The following ACAN variants were observed in gnomAD, a reference collection of about 807,000 sequenced individuals.
The protein encoded by ACAN is aggrecan, also known as aggrecan core protein.
A neutral mutation model predicts 169.1 loss-of-function variants in ACAN; 47 were observed. The observed-to-expected ratio is 0.28, with a 90% CI of 0.22 to 0.35. The LOEUF is 0.35. ACAN is among the 10% of genes least tolerant of loss of function. The pLI is 1.00. For synonymous variants in ACAN, 1,115 were observed against 1,112.2 expected (o/e 1.00, Z -0.05); for missense variants, 2,716 against 2,759.9 (o/e 0.98, Z 0.36).
Position 88,849,850 on chromosome 15 carries a change from T to G in ACAN, c.2026+119T>G, listed in dbSNP as rs1009761856. ...ATCAGAGCAAGAAAATGTCAGTCCC[T>G]CTGGGGCAGAGCCAGCTCTGAAACC... On this transcript the variant is annotated intron_variant, in intron 10 of 18. Transcript: ENST00000560601. This position sits in a 1 kb window ranked among gnomAD's most constrained non-coding sequence, Gnocchi z 5.1. 3.6e-6 allele frequency: 5 copies of G among 1,405,626 alleles called. No homozygotes were observed. The African/African-American group carries it at 7.1e-5, about 20-fold the overall frequency. 87.1% of individuals were successfully genotyped at this position (1,405,626 alleles called of 1,614,324 possible).
chr15:88,827,876 C>T (rs1896263808), intron 1 of ACAN, among the ~76,000 whole-genome samples: 1 of 152,184 alleles, frequency 6.6e-6, no homozygotes, highest in Admixed American at 6.5e-5. Flanking sequence ...GTCATATGCT[C>T]ACAGGAAAGT....
Position 88,857,825 on chromosome 15 carries a change from G to T in ACAN, c.5240G>T (p.Gly1747Val). 1.2e-6 allele frequency: 2 copies of T among 1,613,916 alleles called. No homozygotes were observed. Among genetic ancestry groups the T allele is most frequent in the Non-Finnish European group, 1.7e-6 (2 of 1,179,898 alleles). The change falls in exon 12 of 19, where the codon GGG (glycine) becomes GTG (valine). Residue 1747 changes from glycine to valine, a missense_variant. Transcript: ENST00000560601. The part of the protein sequence containing the change: ...GQPSGFPDTS[G>V]ETSGVTELSG... Reference sequence around the variant, plus strand: ...CCATCAGGGTTTCCTGACACTAGTGGGGAAACATCTGGAGTGACTGAGCTT... The same window carrying T: ...CCATCAGGGTTTCCTGACACTAGTGTGGAAACATCTGGAGTGACTGAGCTT...
intron 1 of ACAN, among the ~76,000 whole-genome samples, chr15:88,815,935 A>G (rs896705037): frequency 7.2e-5 from 11 of 152,354 alleles, no homozygotes; most frequent in African/African-American, 2.4e-4. Context: ...AAATCAAGCC[A>G]TTGGCAGGGC....
chr15:88,817,811 G>T (rs1267121332), intron 1 of ACAN, among the ~76,000 whole-genome samples: 1 of 124,928 alleles, frequency 8.0e-6, no homozygotes, highest in African/African-American at 3.1e-5. Flanking sequence ...CCCAGATCAT[G>T]CCACTGCACT....
intron 1 of ACAN, among the ~76,000 whole-genome samples, chr15:88,825,052 A>G (rs1896178685): frequency 1.3e-5 from 2 of 152,200 alleles, no homozygotes; most frequent in Non-Finnish European, 2.9e-5. Context: ...AAGAGCAAGC[A>G]CAAAACCCTT....
rs1897196626 is a variant in ACAN, at chr15:88,861,657, G to T, written c.6946+1218G>T. On this transcript the variant is annotated intron_variant, in intron 13 of 18. Coordinates refer to ENST00000560601, the MANE Select transcript of ACAN (RefSeq NM_001369268.1). This position sits in a 1 kb window ranked among gnomAD's most constrained non-coding sequence, Gnocchi z 6.3. ...GGAAGGTCCCGGGCTTACTGCAGAA[G>T]GGGACAGCATTTCCACTGGGCCATA... Among the ~76,000 whole-genome samples, 1 of 152,094 alleles carries T rather than the reference G, an allele frequency of 6.6e-6. No individual in the cohort carries two copies. The highest frequency in any genetic ancestry group is 2.4e-5 in the African/African-American group (1 of 41,386).
In ACAN at chr15:88,811,416, G is replaced by C. The variant is rs549500307; in HGVS notation, c.-8+7607G>C. Among the ~76,000 whole-genome samples the C allele has an allele frequency of 2.6e-4, 40 of 152,342 alleles. 1 individual carries two copies. The highest frequency in any genetic ancestry group is 6.8e-3 in the Middle Eastern group (2 of 294). ...AAGGGGCAAGGGGAGACCCCACCAG[G>C]TAGGGCTTAAAATCCTAAATCTCAA... On this transcript the variant is annotated intron_variant, in intron 1 of 18. Coordinates refer to ENST00000560601, the MANE Select transcript of ACAN (RefSeq NM_001369268.1).
intron 1 of ACAN, among the ~76,000 whole-genome samples, chr15:88,811,675 C>T (rs1895823752): frequency 6.6e-6 from 1 of 152,180 alleles, no homozygotes; most frequent in Non-Finnish European, 1.5e-5. Context: ...CCTGCCTCCC[C>T]TATGTGAGCT....
In ACAN at chr15:88,872,671, A is replaced by G. The variant is rs1897409128; in HGVS notation, c.7303-210A>G. ...AGAAGGACCTGAGCCAAGCTGTGTG[A>G]CTGATTCCCTAGAGGGCCACCGGGT... On this transcript the variant is annotated intron_variant, in intron 16 of 18. Coordinates refer to ENST00000560601, the MANE Select transcript of ACAN (RefSeq NM_001369268.1). This position sits in a 1 kb window ranked among gnomAD's most constrained non-coding sequence, Gnocchi z 5.4. Among the ~76,000 whole-genome samples, 1 of 152,058 alleles carries G rather than the reference A, an allele frequency of 6.6e-6. No individual in the cohort carries two copies. The highest frequency in any genetic ancestry group is 2.1e-4 in the South Asian group (1 of 4,814).
chr15:88,828,346 C>T (rs7174387), intron 1 of ACAN, among the ~76,000 whole-genome samples: 99,717 of 151,938 alleles, frequency 0.66, 33,259 homozygotes, highest in Middle Eastern at 0.77. Context: ...CAAGTATAAC[C>T]TGCAGGTATG....
chr15:88,820,043 T>A (rs1348346080), intron 1 of ACAN, among the ~76,000 whole-genome samples: 1 of 152,190 alleles, frequency 6.6e-6, no homozygotes, highest in Non-Finnish European at 1.5e-5. Context: ...ATAGGACTAA[T>A]CACAGTGTGC....
At chr15:88,810,110 G>A (rs182432380) in intron 1 of ACAN, among the ~76,000 whole-genome samples, 2 of 152,208 alleles carry the variant, frequency 1.3e-5, no homozygotes, top group African/African-American at 2.4e-5. Context: ...CCCAGAGAGC[G>A]GAGGACACTT....
At position 88,851,862 on chromosome 15, in the gene ACAN, G is replaced by T; in HGVS notation, c.2095G>T (p.Glu699Ter). 6.2e-7 allele frequency: 1 copy of T among 1,612,226 alleles called. No homozygotes were observed. The highest frequency in any genetic ancestry group is 2.2e-5 in the East Asian group (1 of 44,820). Residue 699 changes from glutamate to a stop codon, truncating the protein, a stop_gained, in exon 11 of 19, where the codon GAG (glutamate) becomes TAG (stop). Transcript: ENST00000560601. LOFTEE classifies it high-confidence loss of function. The surrounding 1 kb of genome is among the most constrained non-coding windows in gnomAD (Gnocchi z 4.3). ...GTPTSPSGVE[E>*]WIVTQVVPGV... is the part of the protein sequence containing the mutation. Reference sequence around the variant, plus strand: ...ACCCACATCACCCTCTGGTGTGGAGGAGTGGATCGTGACCCAAGTGGTTCC... The same window carrying T: ...ACCCACATCACCCTCTGGTGTGGAGTAGTGGATCGTGACCCAAGTGGTTCC...
Position 88,814,611 on chromosome 15 carries a change from A to G in ACAN, c.-8+10802A>G, listed in dbSNP as rs1179228761. Among the ~76,000 whole-genome samples, 1 of 152,182 alleles carries G rather than the reference A, an allele frequency of 6.6e-6. No individual in the cohort carries two copies. The highest frequency in any genetic ancestry group is 2.4e-5 in the African/African-American group (1 of 41,446). ...GGGCTCCCACAATGCATCACTCCAG[A>G]GGGCGCCATTCCATTGTGGTCCATG... On this transcript the variant is annotated intron_variant, in intron 1 of 18. Transcript: ENST00000560601. This position sits in a 1 kb window ranked among gnomAD's most constrained non-coding sequence, Gnocchi z 4.0.
At position 88,872,693 on chromosome 15, in the gene ACAN, G is replaced by A. The variant is rs375190545; in HGVS notation, c.7303-188G>A. ...GTGACTGATTCCCTAGAGGGCCACC[G>A]GGTTCCATGGCCCCTAGAACAGCCC... On this transcript the variant is annotated intron_variant, in intron 16 of 18. Coordinates refer to ENST00000560601, the MANE Select transcript of ACAN (RefSeq NM_001369268.1). This position sits in a 1 kb window ranked among gnomAD's most constrained non-coding sequence, Gnocchi z 5.4. 1.5e-4 allele frequency among the ~76,000 whole-genome samples: 23 copies of A among 152,130 alleles called. No homozygotes were observed. Among genetic ancestry groups the A allele is most frequent in the African/African-American group, 3.6e-4 (15 of 41,432 alleles).
rs1896556659 is a variant in ACAN at position 88,838,291 on chromosome 15, G to T, written c.71-372G>T. Among the ~76,000 whole-genome samples, 1 of 152,162 alleles carries T rather than the reference G, an allele frequency of 6.6e-6. No individual in the cohort carries two copies. The highest frequency in any genetic ancestry group is 2.4e-5 in the African/African-American group (1 of 41,426). On this transcript the variant is annotated intron_variant, in intron 2 of 18. Transcript: ENST00000560601. This position sits in a 1 kb window ranked among gnomAD's most constrained non-coding sequence, Gnocchi z 5.1. Reference sequence around the variant, plus strand: ...TTTCCCAAAATCTTTGAGTTAAGCTGTCACTCCAAGGAGATGGGTCCTGTT... The same window carrying T: ...TTTCCCAAAATCTTTGAGTTAAGCTTTCACTCCAAGGAGATGGGTCCTGTT...
intron 1 of ACAN, among the ~76,000 whole-genome samples, chr15:88,823,784 A>C (rs4932431): frequency 6.6e-6 from 1 of 151,912 alleles, no homozygotes; most frequent in Non-Finnish European, 1.5e-5. Flanking sequence ...TTTTGTCCCT[A>C]GATGTCTCTG....
At position 88,839,839 on chromosome 15, in the gene ACAN, C is replaced by T. The variant is rs1387738836; in HGVS notation, c.455-173C>T. 1.3e-5 allele frequency among the ~76,000 whole-genome samples: 2 copies of T among 152,184 alleles called. No homozygotes were observed. The highest frequency in any genetic ancestry group is 2.9e-5 in the Non-Finnish European group (2 of 68,032). On this transcript the variant is annotated intron_variant, in intron 3 of 18. Coordinates refer to ENST00000560601, the MANE Select transcript of ACAN (RefSeq NM_001369268.1). The surrounding 1 kb of genome is among the most constrained non-coding windows in gnomAD (Gnocchi z 4.5). Reference sequence around the variant, plus strand: ...AGTGAGCTCCCCATTACAGGGTGTTCCAGCAAATTCAGAAGGATCACGTGC... The same window carrying T: ...AGTGAGCTCCCCATTACAGGGTGTTTCAGCAAATTCAGAAGGATCACGTGC...
intron 4 of ACAN, among the ~76,000 whole-genome samples, chr15:88,840,427 C>T (rs1896623460): frequency 6.6e-6 from 1 of 152,214 alleles, no homozygotes; most frequent in Non-Finnish European, 1.5e-5. Context: ...CCTTGCCCTA[C>T]ATGTCATTAT....
Sources: gnomAD v4.1 joint callset for allele counts (sites outside exome capture counted in the v4.1 genomes callset) on GRCh38, gnomAD v4.1.1 for gene constraint, Gnocchi (gnomAD v3.1) non-coding constraint, MANE v1.5 for transcripts, NCBI Gene and HGNC (gene_info 2026-07-23, HGNC 2026-07-21) for gene names.